The following FAR2 variants were observed in gnomAD, a reference collection of about 807,000 sequenced individuals.
FAR2 encodes the protein fatty acyl-CoA reductase 2.
FAR2 carries 19 observed loss-of-function variants against 56.0 expected under a neutral mutation model. The ratio of observed to expected loss-of-function variants is 0.34; its 90% confidence interval spans 0.24 to 0.50. The LOEUF (loss-of-function observed/expected upper bound fraction) is 0.50. Ranked by LOEUF, FAR2 falls within the 20% of genes least tolerant of loss-of-function variation. FAR2 has a pLI of 0.98. For missense variants in FAR2, 508 were observed against 642.2 expected, an observed-to-expected ratio of 0.79 and a Z score of 2.26; for synonymous variants, 219 against 218.8, an observed-to-expected ratio of 1.00 and a Z score of -0.01.
At chr12:29,297,458 A>C (rs1949090135) in intron 4 of FAR2, among the ~76,000 whole-genome samples, 1 of 152,228 alleles carries the variant, frequency 6.6e-6, no homozygotes, top group Non-Finnish European at 1.5e-5. Flanking sequence ...AATACTATAC[A>C]TAGAAGTTGT....
intron 1 of FAR2, among the ~76,000 whole-genome samples, chr12:29,196,894 CACAG>C (rs1950148725): frequency 6.6e-6 from 1 of 152,106 alleles, no homozygotes; most frequent in Non-Finnish European, 1.5e-5. Flanking sequence ...CTACAAGGGA[CACAG>C]ACAGCTCAAG....
chr12:29,264,741 C>T lies in FAR2; in HGVS notation c.-38-5671C>T, dbSNP rs1188014301. Among the ~76,000 whole-genome samples, 4 of 151,664 alleles carry T rather than the reference C, an allele frequency of 2.6e-5. No homozygotes were observed. The East Asian group carries it at 7.7e-4, about 29-fold the overall frequency. On this transcript the variant is annotated intron_variant, in intron 1 of 11. Coordinates refer to ENST00000536681, the MANE Select transcript of FAR2 (RefSeq NM_001271783.2). ...TTGGAAAGGAAGAAGTTAAATCAGC[C>T]TTGTTTGCATATGATATGATCTTAT...
chr12:29,158,398 A>C (rs1949750764), intron 1 of FAR2, among the ~76,000 whole-genome samples: 1 of 152,250 alleles, frequency 6.6e-6, no homozygotes, highest in Non-Finnish European at 1.5e-5. Flanking sequence ...AAGCTGCAGG[A>C]ATCTTTGATG....
intron 7 of FAR2, 136 bp downstream of exon 7, chr12:29,311,282 G>T: frequency 1.6e-6 from 1 of 634,294 alleles, no homozygotes; most frequent in South Asian, 2.0e-5. Flanking sequence ...ATTTTATAGA[G>T]TTCCTAATAT....
At chr12:29,309,992 C>T (rs935606461) in intron 6 of FAR2, 2 of 152,154 alleles carry the variant, frequency 1.3e-5, no homozygotes, top group South Asian at 2.1e-4. Flanking sequence ...CTCTGTTCCT[C>T]CCAGAACTAG....
intron 1 of FAR2, among the ~76,000 whole-genome samples, chr12:29,260,754 C>A (rs1046470059): frequency 6.6e-6 from 1 of 152,128 alleles, no homozygotes; most frequent in Admixed American, 6.5e-5. Context: ...CTACCTGGGT[C>A]CAGGAAAAGC....
At chr12:29,265,937 G>C (rs760809333) in intron 1 of FAR2, among the ~76,000 whole-genome samples, 1 of 152,126 alleles carries the variant, frequency 6.6e-6, no homozygotes, top group African/African-American at 2.4e-5. Context: ...CTGATCATTA[G>C]AGAAATGCAA....
At chr12:29,215,101 A>G (rs1947607143) in intron 1 of FAR2, among the ~76,000 whole-genome samples, 1 of 152,222 alleles carries the variant, frequency 6.6e-6, no homozygotes, top group Non-Finnish European at 1.5e-5. Context: ...CAGAAAAATT[A>G]TTAAAGGACC....
chr12:29,281,131 A>C (rs1429917788), intron 2 of FAR2: 1 of 152,228 alleles, frequency 6.6e-6, no homozygotes, highest in Non-Finnish European at 1.5e-5. Context: ...CTGGTTTGGT[A>C]TTCTTGGATA....
chr12:29,178,281 T>C (rs952739433), intron 1 of FAR2, among the ~76,000 whole-genome samples: 4 of 152,188 alleles, frequency 2.6e-5, no homozygotes, highest in Non-Finnish European at 4.4e-5. Flanking sequence ...TTAAAAAGCA[T>C]ATGCCCATAA....
intron 1 of FAR2, among the ~76,000 whole-genome samples, chr12:29,241,907 C>G (rs1160449689): frequency 6.6e-6 from 1 of 152,204 alleles, no homozygotes; most frequent in Non-Finnish European, 1.5e-5. Flanking sequence ...AAGCTGTGAA[C>G]AAATCCCCCC....
intron 1 of FAR2, among the ~76,000 whole-genome samples, chr12:29,189,895 C>A (rs529246366): frequency 4.6e-5 from 7 of 152,054 alleles, no homozygotes; most frequent in Non-Finnish European, 8.8e-5. Flanking sequence ...TAACAAACAA[C>A]AAGGAGGAGA....
intron 1 of FAR2, among the ~76,000 whole-genome samples, chr12:29,150,010 C>T (rs1949669557): frequency 6.6e-6 from 1 of 152,184 alleles, no homozygotes; most frequent in East Asian, 1.9e-4. Flanking sequence ...GTGGCTGACG[C>T]GCGCTGGGGC....
chr12:29,323,021 G>A (rs1051203991), intron 10 of FAR2, among the ~76,000 whole-genome samples: 16 of 152,362 alleles, frequency 1.1e-4, no homozygotes, highest in East Asian at 3.9e-4. Flanking sequence ...CGTCTTCTGC[G>A]TCGCTCACGC....
At chr12:29,226,659 G>A (rs1372555455) in intron 1 of FAR2, among the ~76,000 whole-genome samples, 1 of 152,120 alleles carries the variant, frequency 6.6e-6, no homozygotes, top group Non-Finnish European at 1.5e-5. Flanking sequence ...TCTTATCAGA[G>A]AGTTTAGATA....
intron 4 of FAR2, among the ~76,000 whole-genome samples, chr12:29,305,337 T>G (rs1449305340): frequency 6.6e-6 from 1 of 151,894 alleles, no homozygotes; most frequent in Admixed American, 6.6e-5. Flanking sequence ...AGGGTGTTAT[T>G]ATGTTGCCCA....
intron 4 of FAR2, among the ~76,000 whole-genome samples, chr12:29,298,974 G>C (rs957980641): frequency 3.3e-5 from 5 of 152,136 alleles, no homozygotes; most frequent in African/African-American, 1.2e-4. Flanking sequence ...AGCACTTTGG[G>C]AGGCCGAGGT....
intron 1 of FAR2, among the ~76,000 whole-genome samples, chr12:29,218,127 C>T (rs1162202207): frequency 6.6e-5 from 10 of 151,906 alleles, no homozygotes; most frequent in African/African-American, 1.4e-4. Context: ...GAGGCCAAGG[C>T]GGGAGGATCA....
At chr12:29,172,998 C>T (rs1249691020) in intron 1 of FAR2, among the ~76,000 whole-genome samples, 2 of 152,132 alleles carry the variant, frequency 1.3e-5, no homozygotes, top group Admixed American at 1.3e-4. Flanking sequence ...ACTAAGATAC[C>T]AGGTATCTCC....
Sources: allele counts gnomAD v4.1 joint callset (sites outside exome capture counted in the v4.1 genomes callset), GRCh38; gene constraint gnomAD v4.1.1; transcripts MANE v1.5; gene names NCBI Gene and HGNC (gene_info 2026-07-23, HGNC 2026-07-21).